The following NELL1 variants were observed in gnomAD, a reference collection of about 807,000 sequenced individuals.
The protein encoded by NELL1 is neural EGFL like 1.
Under a neutral mutation model 107.4 loss-of-function variants are expected in NELL1, and 76 were observed. That is an observed-to-expected ratio of 0.71 (90% CI 0.59 to 0.86). NELL1 has a LOEUF of 0.86. Among genes scored for constraint, NELL1 ranks in the 40% least tolerant of loss-of-function variants. The probability of loss-of-function intolerance (pLI) is 0.00; values close to 1 mark genes in which losing one functional copy is unlikely to be tolerated. For synonymous variants in NELL1, 353 were observed against 341.2 expected (o/e 1.03, Z -0.38); for missense variants, 1,024 against 1,005.5 (o/e 1.02, Z -0.25).
intron 13 of NELL1, among the ~76,000 whole-genome samples, chr11:21,224,175 T>A (rs1433164779): frequency 3.3e-5 from 5 of 152,158 alleles, no homozygotes. Context: ...TGGGGGCTTT[T>A]AGCTTTCTAA....
intron 15 of NELL1, among the ~76,000 whole-genome samples, chr11:21,528,421 G>A (rs1476069753): frequency 6.6e-6 from 1 of 151,732 alleles, no homozygotes; most frequent in Non-Finnish European, 1.5e-5. Flanking sequence ...AGTTCTCTCT[G>A]GCAGGAATCG....
intron 12 of NELL1, among the ~76,000 whole-genome samples, chr11:21,041,430 C>T (rs769526599): frequency 4.6e-5 from 7 of 152,052 alleles, no homozygotes; most frequent in South Asian, 2.1e-4. Context: ...CAGAGAGTCA[C>T]GTGAAAGGTA....
intron 12 of NELL1, among the ~76,000 whole-genome samples, chr11:21,061,629 G>T (rs1380051942): frequency 6.6e-6 from 1 of 151,738 alleles, no homozygotes. Flanking sequence ...ATTTGGTGCT[G>T]TGCTCAAGAA....
At chr11:21,332,305 C>T (rs79313652) in intron 14 of NELL1, among the ~76,000 whole-genome samples, 1,697 of 152,042 alleles carry the variant, frequency 0.011, 37 homozygotes, top group African/African-American at 0.039. Context: ...CTGTTAGGTA[C>T]TCTGCCCCCT....
At chr11:20,727,659 G>C (rs867663126) in intron 2 of NELL1, among the ~76,000 whole-genome samples, 1 of 152,190 alleles carries the variant, frequency 6.6e-6, no homozygotes, top group African/African-American at 2.4e-5. Context: ...TTTTAGTCAT[G>C]AAGCCCTTGC....
intron 2 of NELL1, among the ~76,000 whole-genome samples, chr11:20,741,540 A>G (rs898185800): frequency 2.6e-5 from 4 of 152,144 alleles, no homozygotes; most frequent in African/African-American, 7.2e-5. Flanking sequence ...GACATTTTAG[A>G]ATCTTCCCTG....
At chr11:21,337,585 C>G (rs1409009612) in intron 14 of NELL1, among the ~76,000 whole-genome samples, 1 of 152,188 alleles carries the variant, frequency 6.6e-6, no homozygotes, top group Non-Finnish European at 1.5e-5. Context: ...AGTCACATGG[C>G]CCAGGCCAGC....
chr11:20,700,842 C>T (rs984197383), intron 2 of NELL1, among the ~76,000 whole-genome samples: 2 of 152,166 alleles, frequency 1.3e-5, no homozygotes, highest in African/African-American at 4.8e-5. Flanking sequence ...ATGAACTTAT[C>T]CTTTTTTATG....
At chr11:21,135,062 T>G (rs1855714161) in intron 13 of NELL1, among the ~76,000 whole-genome samples, 1 of 152,172 alleles carries the variant, frequency 6.6e-6, no homozygotes, top group Admixed American at 6.5e-5. Context: ...TTATTTTTGT[T>G]TTTCACTTAA....
chr11:20,755,548 TTGTTTTTG>T (rs1408505633), intron 2 of NELL1, among the ~76,000 whole-genome samples: 1 of 40,746 alleles, frequency 2.5e-5, no homozygotes, highest in African/African-American at 9.1e-5. Context: ...TTGTTTTTTT[TTGTTTTTG>T]TTTTTGTTTT....
intron 15 of NELL1, among the ~76,000 whole-genome samples, chr11:21,456,133 T>A (rs932626659): frequency 6.6e-6 from 1 of 152,188 alleles, no homozygotes; most frequent in African/African-American, 2.4e-5. Context: ...CCTCAGGTGA[T>A]CCACCTGCCT....
At chr11:20,758,078 C>T (rs774778463) in intron 2 of NELL1, among the ~76,000 whole-genome samples, 5 of 152,140 alleles carry the variant, frequency 3.3e-5, no homozygotes, top group East Asian at 1.9e-4. Context: ...TATTCCATCA[C>T]GACGGCTTTG....
intron 15 of NELL1, among the ~76,000 whole-genome samples, chr11:21,513,746 A>G (rs909194691): frequency 3.9e-5 from 6 of 152,332 alleles, no homozygotes; most frequent in Non-Finnish European, 7.3e-5. Flanking sequence ...TCATGGAGAT[A>G]TAGCGATTAT....
intron 2 of NELL1, among the ~76,000 whole-genome samples, chr11:20,773,159 C>T (rs867244199): frequency 2.6e-5 from 4 of 152,178 alleles, no homozygotes; most frequent in Admixed American, 6.5e-5. Flanking sequence ...CCTGCTGGGC[C>T]ACCATAACCA....
chr11:20,695,053 A>G (rs182579629), intron 2 of NELL1, among the ~76,000 whole-genome samples: 92 of 152,022 alleles, frequency 6.1e-4, no homozygotes, highest in African/African-American at 2.0e-3. Context: ...TTTTGTGCAT[A>G]TATTATAAAT....
At chr11:20,946,612 G>A (rs2134197462) in intron 10 of NELL1, among the ~76,000 whole-genome samples, 1 of 152,230 alleles carries the variant, frequency 6.6e-6, no homozygotes, top group East Asian at 1.9e-4. Context: ...GCTCTTTTCA[G>A]CTCTTTGCCA....
chr11:21,266,581 G>T (rs2133929302), intron 14 of NELL1, among the ~76,000 whole-genome samples: 1 of 152,158 alleles, frequency 6.6e-6, no homozygotes, highest in African/African-American at 2.4e-5. Context: ...CTTGGCTTCT[G>T]TGACACCCTT....
chr11:20,979,775 A>G (rs575379591), intron 12 of NELL1, among the ~76,000 whole-genome samples: 1 of 152,308 alleles, frequency 6.6e-6, no homozygotes, highest in Non-Finnish European at 1.5e-5. Context: ...GGCTAACAGT[A>G]GGTATTGCTT....
chr11:21,115,368 ACACACACG>A (rs1241505971), intron 13 of NELL1, among the ~76,000 whole-genome samples: 1 of 143,266 alleles, frequency 7.0e-6, no homozygotes, highest in Admixed American at 7.0e-5. Flanking sequence ...ACACACACAC[ACACACACG>A]CTTTTTTGTT....
Sources: gnomAD v4.1 joint callset for allele counts (sites outside exome capture counted in the v4.1 genomes callset) on GRCh38, gnomAD v4.1.1 for gene constraint, MANE v1.5 for transcripts, NCBI Gene and HGNC (gene_info 2026-07-23, HGNC 2026-07-21) for gene names.